The following DAB1 variants were observed in gnomAD, a reference collection of about 807,000 sequenced individuals.
DAB1 encodes disabled homolog 1.
DAB1 carries 15 observed loss-of-function variants against 64.6 expected under a neutral mutation model. That is an observed-to-expected ratio of 0.23 (90% confidence interval 0.16 to 0.36). The LOEUF is 0.36. Among genes scored for constraint, DAB1 ranks in the 10% least tolerant of loss-of-function variants. The pLI is 1.00. For synonymous variants in DAB1, 235 were observed against 251.9 expected, an observed-to-expected ratio of 0.93 and a Z score of 0.64; for missense variants, 596 against 706.7, an observed-to-expected ratio of 0.84 and a Z score of 1.78.
intron 3 of DAB1, among the ~76,000 whole-genome samples, chr1:58,429,868 G>T (rs901043572): frequency 7.5e-6 from 1 of 133,508 alleles, no homozygotes; most frequent in Admixed American, 7.3e-5. Flanking sequence ...AATTTATTTT[G>T]CAAAGTTCTG....
rs529357070 is a variant in DAB1 at position 57,178,954 on chromosome 1, G to A, written c.68-33525C>T. ...GATATGCAAAATACCATATTTTAAA[G>A]GTTTTAACTAAAAGCAATGGACTCA... On this transcript the variant is annotated intron_variant, in intron 2 of 14. Coordinates refer to ENST00000371236, the MANE Select transcript of DAB1 (RefSeq NM_001365792.1). Among the ~76,000 whole-genome samples the A allele has an allele frequency of 2.0e-4, 30 of 152,132 alleles. No homozygotes were observed. In the South Asian group the frequency reaches 5.4e-3, roughly 27 times the overall value.
chr1:57,197,324 A>G (rs911741277), intron 2 of DAB1, among the ~76,000 whole-genome samples: 7 of 144,832 alleles, frequency 4.8e-5, no homozygotes, highest in Middle Eastern at 3.5e-3. Flanking sequence ...AGTCTAGGTG[A>G]CAGAGAGAGA....
intron 1 of DAB1, among the ~76,000 whole-genome samples, chr1:57,395,030 TG>T (rs1682690853): frequency 6.6e-6 from 1 of 152,200 alleles, no homozygotes; most frequent in African/African-American, 2.4e-5. Flanking sequence ...ATATGTTTTT[TG>T]TTTTTTGTTT....
intron 3 of DAB1, among the ~76,000 whole-genome samples, chr1:58,454,276 ACAGCTCTCCCTGGGATGCAAAGTCAAGAC>A (rs1363547176): frequency 6.6e-6 from 1 of 152,072 alleles, no homozygotes; most frequent in Non-Finnish European, 1.5e-5. Context: ...CTACAAACAC[ACAGCTCTCCCTGGGATGCAAAGTCAAGAC>A]TACACGTCCA....
intron 5 of DAB1, among the ~76,000 whole-genome samples, chr1:58,096,492 G>A (rs893009705): frequency 6.6e-5 from 10 of 152,148 alleles, no homozygotes; most frequent in Admixed American, 3.3e-4. Flanking sequence ...GTGTGTGTGC[G>A]CTTATTTACA....
At chr1:58,050,464 T>G (rs1647568550) in intron 5 of DAB1, among the ~76,000 whole-genome samples, 2 of 152,148 alleles carry the variant, frequency 1.3e-5, no homozygotes, top group South Asian at 4.1e-4. Context: ...GAGAAGGAAT[T>G]AATCATTAAT....
At chr1:58,300,650 A>AGAGAGAG (rs1557726370) in intron 4 of DAB1, among the ~76,000 whole-genome samples, 3 of 47,416 alleles carry the variant, frequency 6.3e-5, no homozygotes. Flanking sequence ...GAGAGAGAGG[A>AGAGAGAG]AGGAAGGAAG....
chr1:57,888,166 G>T (rs1034892371), upstream of DAB1, among the ~76,000 whole-genome samples: 1 of 152,080 alleles, frequency 6.6e-6, no homozygotes. Flanking sequence ...GGGGGGATGG[G>T]CACACTATCT....
At chr1:57,846,795 C>G (rs72666111) in intron 1 of DAB1, among the ~76,000 whole-genome samples, 1 of 152,078 alleles carries the variant, frequency 6.6e-6, no homozygotes, top group Non-Finnish European at 1.5e-5. Context: ...AGTAAGAGAA[C>G]GAAACACATA....
chr1:57,074,923 G>A (rs1301771789), intron 4 of DAB1, among the ~76,000 whole-genome samples: 3 of 152,114 alleles, frequency 2.0e-5, no homozygotes, highest in South Asian at 2.1e-4. Flanking sequence ...GCTTTTTCAC[G>A]GTGTTAATGA....
intron 5 of DAB1, among the ~76,000 whole-genome samples, chr1:58,136,306 A>G (rs536031666): frequency 6.6e-6 from 1 of 152,254 alleles, no homozygotes; most frequent in South Asian, 2.1e-4. Context: ...GGGACATGCA[A>G]CTTAGCCACC....
chr1:57,584,801 G>A (rs1012176148), intron 7 of DAB1, among the ~76,000 whole-genome samples: 1 of 152,144 alleles, frequency 6.6e-6, no homozygotes, highest in African/African-American at 2.4e-5. Flanking sequence ...TACCTGTATG[G>A]ATATCTCCAT....
chr1:57,182,877 A>G (rs149216002), intron 2 of DAB1, among the ~76,000 whole-genome samples: 52 of 152,262 alleles, frequency 3.4e-4, no homozygotes, highest in African/African-American at 1.1e-3. Context: ...GTGAGACACT[A>G]GTACATATGG....
intron 1 of DAB1, among the ~76,000 whole-genome samples, chr1:57,874,788 C>T (rs938415384): frequency 6.6e-6 from 1 of 152,062 alleles, no homozygotes; most frequent in African/African-American, 2.4e-5. Context: ...AACAAAACTG[C>T]ACCACTAGCA....
At chr1:57,019,342 T>C (rs1025023222) in intron 11 of DAB1, among the ~76,000 whole-genome samples, 6 of 152,160 alleles carry the variant, frequency 3.9e-5, no homozygotes, top group Non-Finnish European at 7.4e-5. Flanking sequence ...AGGTTTTTTT[T>C]CCCCTCCCAT....
chr1:58,356,957 T>C (rs536945458), intron 3 of DAB1, among the ~76,000 whole-genome samples: 4 of 148,734 alleles, frequency 2.7e-5, no homozygotes, highest in African/African-American at 9.9e-5. Context: ...GCCCAGGGAG[T>C]TGAGGCTGTA....
intron 3 of DAB1, among the ~76,000 whole-genome samples, chr1:58,452,211 G>A (rs533297703): frequency 1.3e-5 from 2 of 151,934 alleles, no homozygotes; most frequent in South Asian, 4.2e-4. Context: ...TAGGATTACA[G>A]GCGTGAGCCA....
At chr1:57,320,428 C>T (rs1675607776) in intron 1 of DAB1, among the ~76,000 whole-genome samples, 1 of 152,174 alleles carries the variant, frequency 6.6e-6, no homozygotes. Context: ...TGCACACTAA[C>T]TTCTTGAATT....
intron 5 of DAB1, among the ~76,000 whole-genome samples, chr1:58,138,937 T>C (rs908392250): frequency 6.6e-6 from 1 of 152,124 alleles, no homozygotes; most frequent in African/African-American, 2.4e-5. Context: ...AATGAGTGAA[T>C]AGGTGGGTGG....
Sources: gnomAD v4.1 joint callset for allele counts (sites outside exome capture counted in the v4.1 genomes callset) on GRCh38, gnomAD v4.1.1 for gene constraint, MANE v1.5 for transcripts, NCBI Gene and HGNC (gene_info 2026-07-23, HGNC 2026-07-21) for gene names.